Variants in PANK4 observed in about 807,000 individuals in gnomAD.
The protein encoded by PANK4 is pantothenate kinase 4 (inactive).
A neutral mutation model predicts 87.9 loss-of-function variants in PANK4; 40 were observed. That is an observed-to-expected ratio of 0.46 (90% CI 0.35 to 0.59). PANK4 has a LOEUF of 0.59. PANK4 is among the 20% of genes least tolerant of loss of function. The probability of loss-of-function intolerance (pLI) is 0.00; values close to 1 mark genes in which losing one functional copy is unlikely to be tolerated. For synonymous variants in PANK4, 524 were observed against 467.4 expected (o/e 1.12, Z -1.56); for missense variants, 926 against 1,072.3 (o/e 0.86, Z 1.90).
chr1:2,515,680 AG>A lies in PANK4; in HGVS notation c.1255del (p.Leu419TrpfsTer41). ...GTCCAGGAGGAGCGGCAGGTCAACC[AG>A]TGGCCTCTCCAGCCGGTCCATTTCC... ...LLEMDRLERP[L>X]VDLPLLLDPP... is the part of the protein sequence containing the mutation. On this transcript the variant is annotated frameshift_variant, in exon 10 of 19. Coordinates refer to ENST00000378466, the MANE Select transcript of PANK4 (RefSeq NM_018216.4). LOFTEE classifies it high-confidence loss of function. The surrounding 1 kb of genome is among the most constrained non-coding windows in gnomAD (Gnocchi z 5.0). 6.2e-7 allele frequency: 1 copy of A among 1,612,462 alleles called. No homozygotes were observed. Among genetic ancestry groups the A allele is most frequent in the Non-Finnish European group, 8.5e-7 (1 of 1,179,852 alleles).
Position 2,520,481 on chromosome 1 carries a change from G to A in PANK4, c.607-67C>T, listed in dbSNP as rs1025230640. On this transcript the variant is annotated intron_variant, in intron 4 of 18. Transcript: ENST00000378466. The surrounding 1 kb of genome is among the most constrained non-coding windows in gnomAD (Gnocchi z 6.2). Reference sequence around the variant, plus strand: ...AGCCACACAGGCTCCCCCGCCCCCCGCCCCATGTGCTGCGCTGGGGTGAAC... The same window carrying A: ...AGCCACACAGGCTCCCCCGCCCCCCACCCCATGTGCTGCGCTGGGGTGAAC... The A allele has an allele frequency of 1.7e-5, 15 of 905,426 alleles. No individual in the cohort carries two copies. The highest frequency in any genetic ancestry group is 4.1e-5 in the East Asian group (1 of 24,552). The allele number at this position is 905,426 out of a possible 1,614,324, so 56.1% of individuals were successfully genotyped here.
In PANK4 at chr1:2,514,335, C is replaced by T. The variant is rs543948861; in HGVS notation, c.1487+19G>A. ...CTGGATGGAAGAGGTGGCCACACAC[C>T]GGGGTGCTGGGCACTTACAAGGGCT... On this transcript the variant is annotated intron_variant, in intron 11 of 18. Coordinates refer to ENST00000378466, the MANE Select transcript of PANK4 (RefSeq NM_018216.4). 1.2e-5 allele frequency: 18 copies of T among 1,565,212 alleles called. No individual in the cohort carries two copies. The Admixed American group carries it at 1.2e-4, about 10-fold the overall frequency.
chr1:2,513,040 C>CT lies in PANK4; in HGVS notation c.1576-2dup. 6.3e-7 allele frequency: 1 copy of CT among 1,593,542 alleles called. No homozygotes were observed. The highest frequency in any genetic ancestry group is 8.6e-7 in the Non-Finnish European group (1 of 1,166,666). On this transcript the variant is annotated splice_acceptor_variant, in intron 12 of 18. Coordinates refer to ENST00000378466, the MANE Select transcript of PANK4 (RefSeq NM_018216.4). LOFTEE classifies it high-confidence loss of function. ...CCACGCCATTCTCCCGCTGCTTCAC[C>CT]TGTGGAGAGTGCCAGATGCCAGGCC...
chr1:2,509,756 A>G lies in PANK4; in HGVS notation c.2108+106T>C. 6 of 962,448 alleles carry G rather than the reference A, an allele frequency of 6.2e-6. No homozygotes were observed. The highest frequency in any genetic ancestry group is 9.9e-6 in the Non-Finnish European group (6 of 608,430). 59.6% of individuals were successfully genotyped at this position (962,448 alleles called of 1,614,324 possible). On this transcript the variant is annotated intron_variant, in intron 18 of 18. Transcript: ENST00000378466. The surrounding 1 kb of genome is among the most constrained non-coding windows in gnomAD (Gnocchi z 4.9). ...CGGGCCTGGGGTCAGGAGAGGCCGC[A>G]GGGGCAGTCCTGAGGTCGGTGTCCC... is the stretch of plus-strand genomic sequence containing the variant.
intron 12 of PANK4, 148 bp downstream of exon 12, chr1:2,513,854 G>A: frequency 1.4e-6 from 1 of 721,682 alleles, no homozygotes; most frequent in Non-Finnish European, 2.6e-6. Flanking sequence ...GGCTATTGTG[G>A]TGCCAGGGCT....
intron 9 of PANK4, among the ~76,000 whole-genome samples, chr1:2,516,644 G>T (rs889565204): frequency 1.3e-5 from 2 of 152,138 alleles, no homozygotes; most frequent in Non-Finnish European, 1.5e-5. Context: ...GCAGCCTCTG[G>T]GTGGGCAGGG....
chr1:2,521,669 C>T (rs547370713), intron 2 of PANK4, 49 bp downstream of exon 2: 69 of 1,416,118 alleles, frequency 4.9e-5, no homozygotes, highest in African/African-American at 4.1e-4. Context: ...AGGTCCAAGA[C>T]GACAGAGAAG....
chr1:2,511,299 G>A (rs2100770985), intron 15 of PANK4, 39 bp downstream of exon 15: 5 of 1,512,810 alleles, frequency 3.3e-6, no homozygotes, highest in Non-Finnish European at 4.6e-6. Flanking sequence ...GGGCCCCGCT[G>A]TGTCCCCAGC....
In PANK4 at chr1:2,508,762, C is replaced by G. The variant is rs767045911; in HGVS notation, c.*85G>C. 3.7e-6 allele frequency: 3 copies of G among 810,286 alleles called. No homozygotes were observed. The highest frequency in any genetic ancestry group is 6.2e-6 in the Non-Finnish European group (3 of 484,478). 50.2% of individuals were successfully genotyped at this position (810,286 alleles called of 1,614,324 possible). ...GCGTCACAGCAGTACCATATAAATA[C>G]GTTGATTTGAACGCAGTTTCCCTGT... On this transcript the variant is annotated 3_prime_UTR_variant, in exon 19 of 19. Coordinates refer to ENST00000378466, the MANE Select transcript of PANK4 (RefSeq NM_018216.4). The surrounding 1 kb of genome is among the most constrained non-coding windows in gnomAD (Gnocchi z 5.1).
At position 2,519,399 on chromosome 1, in the gene PANK4, G is replaced by T. The variant is rs1315196336; in HGVS notation, c.854-75C>A. ...GACATGAGAGCGAGCAGGAGGGGAG[G>T]GGGAGAGAGAGCTGAGTGGGAGGGG... On this transcript the variant is annotated intron_variant, in intron 6 of 18. Transcript: ENST00000378466. This position sits in a 1 kb window ranked among gnomAD's most constrained non-coding sequence, Gnocchi z 8.3. 4 of 649,692 alleles carry T rather than the reference G, an allele frequency of 6.2e-6. No homozygotes were observed. Among genetic ancestry groups the T allele is most frequent in the South Asian group, 4.3e-5 (2 of 46,554 alleles). 40.2% of individuals were successfully genotyped at this position (649,692 alleles called of 1,614,324 possible).
rs2100791232 is a variant in PANK4 at position 2,520,704 on chromosome 1, T to C, written c.606+19A>G. On this transcript the variant is annotated intron_variant, in intron 4 of 18. Coordinates refer to ENST00000378466, the MANE Select transcript of PANK4 (RefSeq NM_018216.4). This position sits in a 1 kb window ranked among gnomAD's most constrained non-coding sequence, Gnocchi z 6.2. ...ATGGCTAAACCATCCACTCATTCAT[T>C]CATGAAGCCGGGTCTTACCTTCACG... The C allele has an allele frequency of 6.2e-7, 1 of 1,606,632 alleles. No homozygotes were observed. Among genetic ancestry groups the C allele is most frequent in the Non-Finnish European group, 8.5e-7 (1 of 1,175,194 alleles).
chr1:2,514,955 G>A (rs1456020127), intron 10 of PANK4, among the ~76,000 whole-genome samples: 1 of 152,088 alleles, frequency 6.6e-6, no homozygotes, highest in Admixed American at 6.5e-5. Flanking sequence ...TGGGCACTCA[G>A]AGCTCACTCC....
rs745820122 is a variant in PANK4 at position 2,521,711 on chromosome 1, G to A, written c.207+7C>T. ...CCCTGCCCCGGGTGGCCACAGTGCA[G>A]GCTCACCTTTCCGGAGTGGTCGAAA... On this transcript the variant is annotated splice_region_variant and intron_variant, in intron 2 of 18. Transcript: ENST00000378466. 1 of 1,611,670 alleles carries A rather than the reference G, an allele frequency of 6.2e-7. No individual in the cohort carries two copies. The highest frequency in any genetic ancestry group is 1.1e-5 in the South Asian group (1 of 91,048).
chr1:2,513,598 C>A (rs1350615655), intron 12 of PANK4, among the ~76,000 whole-genome samples: 1 of 152,198 alleles, frequency 6.6e-6, no homozygotes, highest in African/African-American at 2.4e-5. Context: ...TAGGAGGGAG[C>A]CAGGGTGGTC....
At chr1:2,513,620 C>T (rs1443816580) in intron 12 of PANK4, among the ~76,000 whole-genome samples, 1 of 152,222 alleles carries the variant, frequency 6.6e-6, no homozygotes, top group Non-Finnish European at 1.5e-5. Flanking sequence ...AGGGTTCCAG[C>T]CCCTCCCCAT....
rs551275807 is a variant in PANK4 at position 2,510,820 on chromosome 1, C to A, written c.1834-38G>T. The A allele has an allele frequency of 5.0e-6, 6 of 1,210,506 alleles. No homozygotes were observed. Among genetic ancestry groups the A allele is most frequent in the African/African-American group, 1.5e-5 (1 of 67,286 alleles). 75.0% of individuals were successfully genotyped at this position (1,210,506 alleles called of 1,614,324 possible). A position where few individuals can be genotyped will look rare whatever the true frequency, so the allele number is the denominator to read the frequency against. On this transcript the variant is annotated intron_variant, in intron 15 of 18. Coordinates refer to ENST00000378466, the MANE Select transcript of PANK4 (RefSeq NM_018216.4). The surrounding 1 kb of genome is among the most constrained non-coding windows in gnomAD (Gnocchi z 4.9). ...ACCAGGACGTTCAGTTGGGAACAGG[C>A]GCATCCAAGCGAGTCAGTCCGCACC...
At chr1:2,525,430 G>C (rs578228010) in intron 1 of PANK4, among the ~76,000 whole-genome samples, 1 of 152,118 alleles carries the variant, frequency 6.6e-6, no homozygotes, top group East Asian at 1.9e-4. Context: ...TGCTAAGAGG[G>C]AGAGGTATGT....
intron 1 of PANK4, 50 bp downstream of exon 1, chr1:2,526,414 G>A: frequency 2.9e-6 from 3 of 1,028,816 alleles, no homozygotes; most frequent in Non-Finnish European, 3.5e-6. Context: ...CCCACCGCCG[G>A]CGCCCCGCCC....
Position 2,520,533 on chromosome 1 carries a change from G to A in PANK4, c.607-119C>T, listed in dbSNP as rs1375088369. 2 of 1,030,208 alleles carry A rather than the reference G, an allele frequency of 1.9e-6. No individual in the cohort carries two copies. The highest frequency in any genetic ancestry group is 3.2e-5 in the African/African-American group (2 of 63,020). The allele number at this position is 1,030,208 out of a possible 1,614,324, so 63.8% of individuals were successfully genotyped here. A position where few individuals can be genotyped will look rare whatever the true frequency, so the allele number is the denominator to read the frequency against. On this transcript the variant is annotated intron_variant, in intron 4 of 18. Coordinates refer to ENST00000378466, the MANE Select transcript of PANK4 (RefSeq NM_018216.4). This position sits in a 1 kb window ranked among gnomAD's most constrained non-coding sequence, Gnocchi z 6.2. ...CCGCCCCCACCCCAACCGCCAGTGG[G>A]AGGACTCTCATGGCCAAGCCTGGGG... is the stretch of plus-strand genomic sequence containing the variant.
Sources: gnomAD v4.1 joint callset for allele counts (sites outside exome capture counted in the v4.1 genomes callset) on GRCh38, gnomAD v4.1.1 for gene constraint, Gnocchi (gnomAD v3.1) non-coding constraint, MANE v1.5 for transcripts, NCBI Gene and HGNC (gene_info 2026-07-23, HGNC 2026-07-21) for gene names.